Variants in ADGRL3 observed in about 807,000 individuals in gnomAD.
ADGRL3 encodes adhesion G protein-coupled receptor L3.
Under a neutral mutation model 153.5 loss-of-function variants are expected in ADGRL3, and 62 were observed. The ratio of observed to expected loss-of-function variants is 0.40; its 90% CI spans 0.33 to 0.50. The LOEUF is 0.50. Among genes scored for constraint, ADGRL3 ranks in the 20% least tolerant of loss-of-function variants. The probability of loss-of-function intolerance (pLI) is 0.47; values close to 1 mark genes in which losing one functional copy is unlikely to be tolerated. For synonymous variants in ADGRL3, 710 were observed against 672.5 expected, an observed-to-expected ratio of 1.06 and a Z score of -0.86; for missense variants, 1,641 against 1,859.4, an observed-to-expected ratio of 0.88 and a Z score of 2.16.
chr4:61,454,875 G>A (rs901685268), intron 2 of ADGRL3, among the ~76,000 whole-genome samples: 21 of 151,916 alleles, frequency 1.4e-4, no homozygotes, highest in Non-Finnish European at 1.2e-4. Flanking sequence ...AATTGACTTT[G>A]TTCAGAGCCC....
chr4:61,826,490 G>A (rs1053315473), intron 9 of ADGRL3, among the ~76,000 whole-genome samples: 9 of 152,130 alleles, frequency 5.9e-5, no homozygotes, highest in African/African-American at 2.2e-4. Context: ...AAATGGATAA[G>A]CTAATTTCTA....
chr4:61,306,921 C>T (rs1240784529), intron 1 of ADGRL3, among the ~76,000 whole-genome samples: 1 of 152,172 alleles, frequency 6.6e-6, no homozygotes, highest in East Asian at 1.9e-4. Context: ...AGGGCTACAG[C>T]TACCATTGGC....
rs541511403 is a variant in ADGRL3, at chr4:61,360,077, G to A, written c.-239-23047G>A. On this transcript the variant is annotated intron_variant, in intron 1 of 26. Coordinates refer to ENST00000683033, the MANE Select transcript of ADGRL3 (RefSeq NM_001387552.1). ...ATCTACTGCTACACTCCTATTAGTG[G>A]AGAGGGACATCAGAGTGAGGGTATT... Among the ~76,000 whole-genome samples, 242 of 152,206 alleles carry A rather than the reference G, an allele frequency of 1.6e-3. 2 individuals carry two copies. Among genetic ancestry groups the A allele is most frequent in the African/African-American group, 5.5e-3 (228 of 41,532 alleles).
intron 8 of ADGRL3, among the ~76,000 whole-genome samples, chr4:61,795,628 T>C (rs1177940143): frequency 1.3e-5 from 2 of 152,208 alleles, no homozygotes; most frequent in Non-Finnish European, 2.9e-5. Flanking sequence ...GCTTATCAAC[T>C]ACCGTCTGCA....
rs147071949 is a variant in ADGRL3, at chr4:61,522,323, G to T, written c.259+4805G>T. 2.6e-3 allele frequency among the ~76,000 whole-genome samples: 398 copies of T among 152,178 alleles called. 2 individuals are homozygous for T. The highest frequency in any genetic ancestry group is 4.6e-3 in the Non-Finnish European group (312 of 67,976). On this transcript the variant is annotated intron_variant, in intron 4 of 26. Coordinates refer to ENST00000683033, the MANE Select transcript of ADGRL3 (RefSeq NM_001387552.1). ...TGTCTTTTGAGAATGCCTCAAAAAT[G>T]AACCTTGATTAATCTCTTGCCTAAT... is the stretch of plus-strand genomic sequence containing the variant.
chr4:61,260,938 C>A (rs2092459895), intron 1 of ADGRL3, among the ~76,000 whole-genome samples: 1 of 152,082 alleles, frequency 6.6e-6, no homozygotes, highest in African/African-American at 2.4e-5. Context: ...ATTGCCCAGG[C>A]TGGGCTCGAA....
intron 19 of ADGRL3, among the ~76,000 whole-genome samples, chr4:61,985,118 A>C (rs2099080819): frequency 6.6e-6 from 1 of 152,126 alleles, no homozygotes; most frequent in Admixed American, 6.6e-5. Flanking sequence ...TGGTTTTAGA[A>C]TTTGCAAAGT....
intron 2 of ADGRL3, among the ~76,000 whole-genome samples, chr4:61,489,232 C>CA (rs1297063333): frequency 3.3e-5 from 5 of 151,802 alleles, no homozygotes; most frequent in African/African-American, 9.7e-5. Context: ...GCTCACAACT[C>CA]AAAGAGAAAG....
At chr4:61,793,115 ACTC>A (rs1398083988) in intron 8 of ADGRL3, among the ~76,000 whole-genome samples, 1 of 151,540 alleles carries the variant, frequency 6.6e-6, no homozygotes, top group East Asian at 2.0e-4. Flanking sequence ...GTGCAGGGGA[ACTC>A]CTCTTTATAA....
At chr4:61,928,597 C>G (rs1013581936) in intron 13 of ADGRL3, among the ~76,000 whole-genome samples, 1 of 152,106 alleles carries the variant, frequency 6.6e-6, no homozygotes, top group African/African-American at 2.4e-5. Context: ...TTGGAAATTA[C>G]CTTTGGAAAC....
chr4:61,329,951 C>T (rs1369743463), intron 1 of ADGRL3, among the ~76,000 whole-genome samples: 2 of 152,106 alleles, frequency 1.3e-5, no homozygotes, highest in South Asian at 2.1e-4. Flanking sequence ...GGCCTGGAAT[C>T]AAGAAGGAAA....
intron 19 of ADGRL3, among the ~76,000 whole-genome samples, chr4:61,985,165 C>T (rs1329537165): frequency 6.6e-6 from 1 of 151,842 alleles, no homozygotes; most frequent in Non-Finnish European, 1.5e-5. Flanking sequence ...AAATAAAATA[C>T]TAGATAAATT....
At chr4:61,616,330 T>C (rs145234071) in intron 5 of ADGRL3, among the ~76,000 whole-genome samples, 3 of 152,160 alleles carry the variant, frequency 2.0e-5, no homozygotes, top group Non-Finnish European at 2.9e-5. Flanking sequence ...GAATATATAA[T>C]TTAAAGCCAT....
intron 2 of ADGRL3, among the ~76,000 whole-genome samples, chr4:61,485,164 G>T (rs1408549904): frequency 6.6e-6 from 1 of 152,048 alleles, no homozygotes; most frequent in Non-Finnish European, 1.5e-5. Context: ...ACCCACCTAG[G>T]TGCACCGTAC....
At chr4:61,665,936 C>T (rs2094778101) in intron 5 of ADGRL3, among the ~76,000 whole-genome samples, 1 of 152,166 alleles carries the variant, frequency 6.6e-6, no homozygotes, top group Non-Finnish European at 1.5e-5. Context: ...TTTGTGAGCT[C>T]TGCTTCATGG....
Position 61,939,658 on chromosome 4 carries a change from C to T in ADGRL3, c.2419+3613C>T, listed in dbSNP as rs377258265. Reference sequence around the variant, plus strand: ...CTAATTTTTGTATTTTTAGTAGAGACAGGGTTTCGCCATATTGGTCAGGCT... The same window carrying T: ...CTAATTTTTGTATTTTTAGTAGAGATAGGGTTTCGCCATATTGGTCAGGCT... On this transcript the variant is annotated intron_variant, in intron 15 of 26. Coordinates refer to ENST00000683033, the MANE Select transcript of ADGRL3 (RefSeq NM_001387552.1). Among the ~76,000 whole-genome samples, 38 of 152,018 alleles carry T rather than the reference C, an allele frequency of 2.5e-4. 2 individuals are homozygous for T. In the East Asian group the frequency reaches 4.3e-3, roughly 17 times the overall value.
At chr4:61,937,356 G>A (rs1185443543) in intron 15 of ADGRL3, among the ~76,000 whole-genome samples, 2 of 150,904 alleles carry the variant, frequency 1.3e-5, no homozygotes, top group African/African-American at 2.4e-5. Flanking sequence ...TCTTGATTCT[G>A]GTTCTTGAAC....
chr4:61,583,833 G>A, intron 4 of ADGRL3: 1 of 483,738 alleles, frequency 2.1e-6, no homozygotes. Flanking sequence ...ATTACCTCAT[G>A]GAATAAAAGT....
intron 9 of ADGRL3, among the ~76,000 whole-genome samples, chr4:61,819,406 T>C (rs2097725403): frequency 1.3e-5 from 2 of 152,070 alleles, no homozygotes; most frequent in African/African-American, 4.8e-5. Context: ...CTACTGTAAT[T>C]TCATACGTAT....
Sources: allele counts gnomAD v4.1 joint callset (sites outside exome capture counted in the v4.1 genomes callset), GRCh38; gene constraint gnomAD v4.1.1; transcripts MANE v1.5; gene names NCBI Gene and HGNC (gene_info 2026-07-23, HGNC 2026-07-21).